CENPA: variants seen among roughly 807,000 people sequenced by gnomAD.
CENPA encodes centromere protein A, also known as histone H3-like centromeric protein A.
A neutral mutation model predicts 17.2 loss-of-function variants in CENPA; 7 were observed. The observed-to-expected ratio is 0.41, with a 90% CI of 0.23 to 0.76. CENPA has a LOEUF of 0.76. CENPA is among the 30% of genes least tolerant of loss of function. The pLI is 0.34. For synonymous variants in CENPA, 82 were observed against 77.4 expected, an observed-to-expected ratio of 1.06 and a Z score of -0.31; for missense variants, 149 against 193.1, an observed-to-expected ratio of 0.77 and a Z score of 1.35.
chr2:26,793,943 A>C lies in CENPA; in HGVS notation c.*179A>C, dbSNP rs1315475037. On this transcript the variant is annotated 3_prime_UTR_variant, in exon 5 of 5. Transcript: ENST00000335756. Reference sequence around the variant, plus strand: ...TTTTCTTTTTTTTGAGAAGGAGAAGACTGCATGACTTTCCTCTGTAACAGA... The same window carrying C: ...TTTTCTTTTTTTTGAGAAGGAGAAGCCTGCATGACTTTCCTCTGTAACAGA... The C allele has an allele frequency of 6.6e-6, 1 of 152,204 alleles. No homozygotes were observed. Among genetic ancestry groups the C allele is most frequent in the Admixed American group, 6.6e-5 (1 of 15,262 alleles). 9.4% of individuals were successfully genotyped at this position (152,204 alleles called of 1,614,324 possible).
chr2:26,792,635 G>A, intron 2 of CENPA, 121 bp from the exon 3 acceptor site: 1 of 913,096 alleles, frequency 1.1e-6, no homozygotes, highest in Admixed American at 2.0e-5. Flanking sequence ...CTAAGATTAA[G>A]AGCCAGGAAA....
intron 1 of CENPA, 61 bp from the exon 2 acceptor site, chr2:26,792,070 G>A: frequency 7.0e-7 from 1 of 1,418,688 alleles, no homozygotes; most frequent in Non-Finnish European, 9.9e-7. Flanking sequence ...CAGCTTACCT[G>A]ACTCAGCCAA....
At chr2:26,792,479 ACT>A (rs1280271471) in intron 2 of CENPA, 6 of 711,912 alleles carry the variant, frequency 8.4e-6, no homozygotes, top group Middle Eastern at 2.3e-4. Flanking sequence ...ATAAATAGGA[ACT>A]CTCTCGTTTG....
rs1286298819 is a variant in CENPA at position 26,792,428 on chromosome 2, C to G, written c.210+188C>G. On this transcript the variant is annotated intron_variant, in intron 2 of 4. Transcript: ENST00000335756. ...TTGTAATTCTTTATGGAATTGATTT[C>G]TAACCTCTACTACCTTTTTAAAACT... 3 of 702,882 alleles carry G rather than the reference C, an allele frequency of 4.3e-6. No individual in the cohort carries two copies. In the Admixed American group the frequency reaches 6.5e-5, roughly 15 times the overall value. The allele number at this position is 702,882 out of a possible 1,614,324, so 43.5% of individuals were successfully genotyped here.
At chr2:26,793,056 G>C (rs1487169046) in intron 3 of CENPA, 89 bp from the exon 4 acceptor site, 14 of 1,527,558 alleles carry the variant, frequency 9.2e-6, no homozygotes, top group Admixed American at 1.8e-5. Context: ...AATCCTTTGA[G>C]CCCTCAGAGA....
chr2:26,789,468 G>A (rs186729374), intron 1 of CENPA, among the ~76,000 whole-genome samples: 4 of 151,794 alleles, frequency 2.6e-5, no homozygotes, highest in East Asian at 3.9e-4. Flanking sequence ...CATCTCCTCC[G>A]TGGCTCTAAA....
chr2:26,786,803 A>T (rs1207561683), intron 1 of CENPA, among the ~76,000 whole-genome samples: 1 of 152,146 alleles, frequency 6.6e-6, no homozygotes, highest in African/African-American at 2.4e-5. Context: ...GGTGTCTTTC[A>T]GGGGTTTTTT....
chr2:26,794,477 T>C lies in CENPA; in HGVS notation c.*713T>C, dbSNP rs1456829744. Reference sequence around the variant, plus strand: ...TTTAACATTTTACTCTTGTAAATCATAGAAGATGTATCATAACAGTTCAGA... The same window carrying C: ...TTTAACATTTTACTCTTGTAAATCACAGAAGATGTATCATAACAGTTCAGA... On this transcript the variant is annotated 3_prime_UTR_variant, in exon 5 of 5. Transcript: ENST00000335756. 7.9e-5 allele frequency: 12 copies of C among 152,384 alleles called. No individual in the cohort carries two copies. In the South Asian group the frequency reaches 2.3e-3, roughly 29 times the overall value. The allele number at this position is 152,384 out of a possible 1,614,324, so 9.4% of individuals were successfully genotyped here. A position where few individuals can be genotyped will look rare whatever the true frequency, so the allele number is the denominator to read the frequency against.
At chr2:26,786,420 C>A in intron 1 of CENPA, 124 bp downstream of exon 1, 1 of 1,218,984 alleles carries the variant, frequency 8.2e-7, no homozygotes, top group Non-Finnish European at 1.0e-6. Flanking sequence ...CGCCGTCCGG[C>A]ATCCGCTCCG....
intron 2 of CENPA, 33 bp from the exon 3 acceptor site, chr2:26,792,723 C>A: frequency 6.4e-7 from 1 of 1,555,904 alleles, no homozygotes; most frequent in Non-Finnish European, 8.9e-7. Context: ...TTACTCCCTA[C>A]TCCTACTCCT....
At chr2:26,786,560 C>T (rs1011599120) in intron 1 of CENPA, among the ~76,000 whole-genome samples, 12 of 152,242 alleles carry the variant, frequency 7.9e-5, no homozygotes, top group African/African-American at 2.9e-4. Flanking sequence ...CGCCCACCGC[C>T]CACCGCCAAC....
chr2:26,786,166 G>A lies in CENPA; in HGVS notation c.-31G>A. Reference sequence around the variant, plus strand: ...CCGGCAGCCCGAGCAGGAGCCGTGGGACCGGGCGCCAGCACCCTCTGCGGC... The same window carrying A: ...CCGGCAGCCCGAGCAGGAGCCGTGGAACCGGGCGCCAGCACCCTCTGCGGC... On this transcript the variant is annotated 5_prime_UTR_variant, in exon 1 of 5. Coordinates refer to ENST00000335756, the MANE Select transcript of CENPA (RefSeq NM_001809.4). The A allele has an allele frequency of 7.0e-7, 1 of 1,418,468 alleles. No individual in the cohort carries two copies. Among genetic ancestry groups the A allele is most frequent in the Admixed American group, 3.1e-5 (1 of 32,460 alleles). The allele number at this position is 1,418,468 out of a possible 1,614,324, so 87.9% of individuals were successfully genotyped here. A position where few individuals can be genotyped will look rare whatever the true frequency, so the allele number is the denominator to read the frequency against.
chr2:26,789,708 A>G (rs1296730042), intron 1 of CENPA, among the ~76,000 whole-genome samples: 1 of 152,124 alleles, frequency 6.6e-6, no homozygotes, highest in Non-Finnish European at 1.5e-5. Context: ...CAAGCCTGGG[A>G]GACCCCCGTC....
intron 1 of CENPA, among the ~76,000 whole-genome samples, chr2:26,788,633 C>T (rs540816246): frequency 1.3e-5 from 2 of 152,242 alleles, no homozygotes; most frequent in South Asian, 2.1e-4. Flanking sequence ...ACACTGGCAT[C>T]GGCACATATG....
rs1664507807 is a variant in CENPA at position 26,786,315 on chromosome 2, A to C, written c.100+19A>C. 6 of 1,307,920 alleles carry C rather than the reference A, an allele frequency of 4.6e-6. No homozygotes were observed. The highest frequency in any genetic ancestry group is 1.5e-5 in the African/African-American group (1 of 64,720). 81.0% of individuals were successfully genotyped at this position (1,307,920 alleles called of 1,614,324 possible). ...TCCTTAGGTAACCGGCCGCGGCCCC[A>C]TCTCGAAGAGGAGAAAACCGAGGCT... On this transcript the variant is annotated intron_variant, in intron 1 of 4. Coordinates refer to ENST00000335756, the MANE Select transcript of CENPA (RefSeq NM_001809.4).
At chr2:26,787,133 T>C (rs2148065345) in intron 1 of CENPA, among the ~76,000 whole-genome samples, 1 of 152,372 alleles carries the variant, frequency 6.6e-6, no homozygotes, top group Non-Finnish European at 1.5e-5. Flanking sequence ...CTCAAACTCC[T>C]GGCCTCAAGT....
intron 1 of CENPA, among the ~76,000 whole-genome samples, chr2:26,786,610 C>T (rs12467466): frequency 0.19 from 29,197 of 152,304 alleles, 3,635 homozygotes; most frequent in Admixed American, 0.34. Context: ...ATCTCAGCTT[C>T]ATATTGTGCC....
chr2:26,787,374 C>A (rs987827154), intron 1 of CENPA, among the ~76,000 whole-genome samples: 6 of 149,228 alleles, frequency 4.0e-5, no homozygotes, highest in Admixed American at 4.0e-4. Flanking sequence ...TACCACCACG[C>A]CCGGCTAATT....
intron 2 of CENPA, 200 bp from the exon 3 acceptor site, chr2:26,792,556 C>T (rs923340784): frequency 6.0e-5 from 43 of 717,142 alleles, no homozygotes; most frequent in Non-Finnish European, 9.6e-5. Context: ...CTGGTGATTT[C>T]CCCATCACCA....
Sources: allele counts gnomAD v4.1 joint callset (sites outside exome capture counted in the v4.1 genomes callset), GRCh38; gene constraint gnomAD v4.1.1; transcripts MANE v1.5; gene names NCBI Gene and HGNC (gene_info 2026-07-23, HGNC 2026-07-21).